The following MBOAT2 variants were observed in gnomAD, a reference collection of about 807,000 sequenced individuals.
The protein encoded by MBOAT2 is membrane-bound glycerophospholipid O-acyltransferase 2.
In MBOAT2, 28 loss-of-function variants were observed where a neutral mutation model predicts 63.4. The observed-to-expected ratio is 0.44, with a 90% CI of 0.33 to 0.61. MBOAT2 has a LOEUF of 0.61. MBOAT2 is among the 20% of genes least tolerant of loss of function. The pLI is 0.03. For synonymous variants in MBOAT2, 211 were observed against 215.6 expected, an observed-to-expected ratio of 0.98 and a Z score of 0.19; for missense variants, 470 against 605.8, an observed-to-expected ratio of 0.78 and a Z score of 2.35.
chr2:8,889,929 A>G (rs1663864304), intron 4 of MBOAT2, among the ~76,000 whole-genome samples: 1 of 152,138 alleles, frequency 6.6e-6, no homozygotes, highest in African/African-American at 2.4e-5. Flanking sequence ...ACTCTTATGA[A>G]AGTAAGCTGC....
At chr2:8,908,807 G>T in intron 3 of MBOAT2, 91 bp from the exon 4 acceptor site, 1 of 704,574 alleles carries the variant, frequency 1.4e-6, no homozygotes, top group Non-Finnish European at 2.4e-6. Context: ...AAATGATATG[G>T]TTCAGAAATT....
At chr2:8,992,313 T>C (rs1671966531) in intron 1 of MBOAT2, among the ~76,000 whole-genome samples, 1 of 152,220 alleles carries the variant, frequency 6.6e-6, no homozygotes, top group South Asian at 2.1e-4. Context: ...TTGTTTGCTT[T>C]AATACAGATT....
At chr2:8,892,502 G>A (rs1173417614) in intron 4 of MBOAT2, among the ~76,000 whole-genome samples, 1 of 152,146 alleles carries the variant, frequency 6.6e-6, no homozygotes, top group Non-Finnish European at 1.5e-5. Flanking sequence ...CACCTACGAT[G>A]CACCAAGTAC....
chr2:9,003,619 G>A lies in MBOAT2; in HGVS notation c.-5C>T. The A allele has an allele frequency of 1.7e-6, 2 of 1,176,570 alleles. No individual in the cohort carries two copies. Among genetic ancestry groups the A allele is most frequent in the Non-Finnish European group, 1.0e-6 (1 of 953,440 alleles). The allele number at this position is 1,176,570 out of a possible 1,614,324, so 72.9% of individuals were successfully genotyped here. On this transcript the variant is annotated 5_prime_UTR_variant, in exon 1 of 13. Transcript: ENST00000305997. This position sits in a 1 kb window ranked among gnomAD's most constrained non-coding sequence, Gnocchi z 5.4. ...CGTGGTGCTGGTGGTGGCCATGGCCGGGCCTCGGCGCTCCGGCCGCCCGCG... is the reference window on the plus strand; with the variant it reads ...CGTGGTGCTGGTGGTGGCCATGGCCAGGCCTCGGCGCTCCGGCCGCCCGCG...
At position 8,862,477 on chromosome 2, in the gene MBOAT2, C is replaced by G; in HGVS notation, c.1185+113G>C. 1 of 1,408,826 alleles carries G rather than the reference C, an allele frequency of 7.1e-7. No individual in the cohort carries two copies. Among genetic ancestry groups the G allele is most frequent in the Admixed American group, 2.1e-5 (1 of 48,502 alleles). The allele number at this position is 1,408,826 out of a possible 1,614,324, so 87.3% of individuals were successfully genotyped here. ...CACACCTCGCTTCTAGTGGAAAGGACAATACTGACCACGACCAAGGAAAGA... is the reference window on the plus strand; with the variant it reads ...CACACCTCGCTTCTAGTGGAAAGGAGAATACTGACCACGACCAAGGAAAGA... On this transcript the variant is annotated intron_variant, in intron 11 of 12. Coordinates refer to ENST00000305997, the MANE Select transcript of MBOAT2 (RefSeq NM_138799.4). This position sits in a 1 kb window ranked among gnomAD's most constrained non-coding sequence, Gnocchi z 4.3.
In MBOAT2 at chr2:9,003,589, G is replaced by C; in HGVS notation, c.26C>G (p.Ser9Cys). The C allele has an allele frequency of 1.6e-6, 2 of 1,223,810 alleles. No homozygotes were observed. Among genetic ancestry groups the C allele is most frequent in the South Asian group, 5.8e-5 (2 of 34,224 alleles). The allele number at this position is 1,223,810 out of a possible 1,614,324, so 75.8% of individuals were successfully genotyped here. Reference sequence around the variant, plus strand: ...GTTGCTGAGGGGCTGCAGCAGGGTGGAGCCCGTGGTGCTGGTGGTGGCCAT... The same window carrying C: ...GTTGCTGAGGGGCTGCAGCAGGGTGCAGCCCGTGGTGCTGGTGGTGGCCAT... MATTSTTGSTLLQPLSNAV... is the reference protein window; with the variant it reads MATTSTTGCTLLQPLSNAV... Residue 9 changes from serine to cysteine, a missense_variant, in exon 1 of 13, where the codon TCC (serine) becomes TGC (cysteine). By Grantham distance (112) the Ser-to-Cys change is moderately radical. Transcript: ENST00000305997. This position sits in a 1 kb window ranked among gnomAD's most constrained non-coding sequence, Gnocchi z 5.4.
chr2:8,873,440 A>T, intron 7 of MBOAT2, 140 bp from the exon 8 acceptor site: 2 of 834,910 alleles, frequency 2.4e-6, no homozygotes, highest in Non-Finnish European at 3.6e-6. Context: ...GCTACATTGC[A>T]CTTGGCATTT....
At chr2:8,914,805 A>G (rs1333758878) in intron 3 of MBOAT2, among the ~76,000 whole-genome samples, 1 of 152,076 alleles carries the variant, frequency 6.6e-6, no homozygotes, top group African/African-American at 2.4e-5. Flanking sequence ...AAAAACAAAA[A>G]TTGTTTTCAT....
At chr2:8,911,274 T>C (rs62104424) in intron 3 of MBOAT2, among the ~76,000 whole-genome samples, 6,396 of 152,216 alleles carry the variant, frequency 0.042, 149 homozygotes, top group Middle Eastern at 0.058. Context: ...GATGACAAGA[T>C]CAAGAACTTG....
intron 2 of MBOAT2, among the ~76,000 whole-genome samples, chr2:8,953,727 C>A (rs1418573026): frequency 6.6e-6 from 1 of 152,310 alleles, no homozygotes; most frequent in East Asian, 1.9e-4. Context: ...ACTGATAAAG[C>A]TTTCAATTGT....
At chr2:8,991,169 A>G (rs531376740) in intron 1 of MBOAT2, among the ~76,000 whole-genome samples, 26 of 152,290 alleles carry the variant, frequency 1.7e-4, no homozygotes, top group Middle Eastern at 6.8e-3. Context: ...TCACAAAATA[A>G]AACATTTTGG....
intron 8 of MBOAT2, among the ~76,000 whole-genome samples, chr2:8,869,494 C>T (rs1253023638): frequency 1.3e-5 from 2 of 152,068 alleles, no homozygotes; most frequent in Non-Finnish European, 2.9e-5. Context: ...TGTATCATGA[C>T]CAAAGAAAAA....
intron 3 of MBOAT2, among the ~76,000 whole-genome samples, chr2:8,928,360 G>A (rs908780259): frequency 4.6e-5 from 7 of 152,222 alleles, no homozygotes; most frequent in East Asian, 1.9e-4. Flanking sequence ...AACATGTGAC[G>A]CTAACGAGGG....
chr2:8,945,347 C>T (rs558683078), intron 2 of MBOAT2, among the ~76,000 whole-genome samples: 1 of 152,252 alleles, frequency 6.6e-6, no homozygotes, highest in African/African-American at 2.4e-5. Context: ...CTGAGCTACT[C>T]TGCTTGTTCT....
At chr2:8,876,669 G>A (rs895938631) in intron 7 of MBOAT2, among the ~76,000 whole-genome samples, 1 of 151,520 alleles carries the variant, frequency 6.6e-6, no homozygotes, top group African/African-American at 2.4e-5. Flanking sequence ...ACAAGGCATA[G>A]GTAAGAAAGA....
chr2:8,875,916 A>T (rs146774141), intron 7 of MBOAT2, among the ~76,000 whole-genome samples: 186 of 152,356 alleles, frequency 1.2e-3, no homozygotes, highest in African/African-American at 3.9e-3. Context: ...GAAAGAGGTA[A>T]TATACTATCT....
intron 1 of MBOAT2, among the ~76,000 whole-genome samples, chr2:8,970,376 T>G (rs74828029): frequency 4.2e-4 from 63 of 149,274 alleles, no homozygotes; most frequent in South Asian, 6.4e-4. Context: ...AAGCAGTGTG[T>G]AGAAGGAAAT....
At position 8,913,916 on chromosome 2, in the gene MBOAT2, C is replaced by G. The variant is rs181194851; in HGVS notation, c.300-5200G>C. Among the ~76,000 whole-genome samples the G allele has an allele frequency of 3.9e-5, 6 of 152,322 alleles. No homozygotes were observed. The East Asian group carries it at 7.7e-4, about 20-fold the overall frequency. The stretch of plus-strand genomic sequence containing the variant: ...AATTCACGATTGCAAAATCGTGGAA[C>G]CAACCCAAATGCCCACCAATCAACA... On this transcript the variant is annotated intron_variant, in intron 3 of 12. Coordinates refer to ENST00000305997, the MANE Select transcript of MBOAT2 (RefSeq NM_138799.4).
chr2:9,001,442 C>G (rs1471912940), intron 1 of MBOAT2, among the ~76,000 whole-genome samples: 2 of 152,188 alleles, frequency 1.3e-5, no homozygotes, highest in Non-Finnish European at 1.5e-5. Flanking sequence ...ATGACAATGA[C>G]TACAGCTTTA....
Sources: allele counts gnomAD v4.1 joint callset (sites outside exome capture counted in the v4.1 genomes callset), GRCh38; gene constraint gnomAD v4.1.1; non-coding constraint Gnocchi (gnomAD v3.1); transcripts MANE v1.5; gene names NCBI Gene and HGNC (gene_info 2026-07-23, HGNC 2026-07-21).